The following CENPH variants were observed in gnomAD, a reference collection of about 807,000 sequenced individuals.
CENPH encodes centromere protein H.
CENPH carries 40 observed loss-of-function variants against 42.9 expected under a neutral mutation model. That is an observed-to-expected ratio of 0.93 (90% CI 0.72 to 1.21). CENPH has a LOEUF of 1.21. Among genes scored for constraint, CENPH ranks in the 50% most tolerant of loss-of-function variants. The pLI, the probability that CENPH is intolerant of heterozygous loss-of-function variation, is 0.00. For synonymous variants in CENPH, 88 were observed against 96.5 expected (o/e 0.91, Z 0.52); for missense variants, 302 against 292.9 (o/e 1.03, Z -0.23).
rs148073405 is a variant in CENPH at position 69,189,862 on chromosome 5, T to C, written c.134+94T>C. 58 of 1,337,826 alleles carry C rather than the reference T, an allele frequency of 4.3e-5. No homozygotes were observed. In the African/African-American group the frequency reaches 8.0e-4, roughly 18 times the overall value. The allele number at this position is 1,337,826 out of a possible 1,614,324, so 82.9% of individuals were successfully genotyped here. The stretch of plus-strand genomic sequence containing the variant: ...GAAGGGCTAGGGTTCGAATTCACGC[T>C]CGGTCACGTCAGGTCTCCGTGATTG... On this transcript the variant is annotated intron_variant, in intron 1 of 8. Coordinates refer to ENST00000283006, the MANE Select transcript of CENPH (RefSeq NM_022909.4).
At chr5:69,196,381 G>A (rs766394680) in intron 4 of CENPH, among the ~76,000 whole-genome samples, 13 of 152,088 alleles carry the variant, frequency 8.5e-5, no homozygotes, top group Non-Finnish European at 1.5e-4. Context: ...GCGGTGGCTC[G>A]CGCCTGTAAT....
chr5:69,193,649 T>TTTTTG (rs1366420898), intron 2 of CENPH, among the ~76,000 whole-genome samples: 1 of 151,078 alleles, frequency 6.6e-6, no homozygotes, highest in African/African-American at 2.4e-5. Context: ...ACATTTTCTT[T>TTTTTG]TTTTGTTTTT....
chr5:69,196,279 A>G (rs1336584072), intron 4 of CENPH, among the ~76,000 whole-genome samples: 2 of 152,164 alleles, frequency 1.3e-5, no homozygotes, highest in African/African-American at 4.8e-5. Flanking sequence ...GATGCTCCTC[A>G]ATTTGCAGTG....
At chr5:69,193,719 C>T (rs896302150) in intron 2 of CENPH, among the ~76,000 whole-genome samples, 3 of 147,220 alleles carry the variant, frequency 2.0e-5, no homozygotes, top group Middle Eastern at 3.5e-3. Context: ...TAGAGTGCAG[C>T]GGCGCAATCT....
chr5:69,195,701 C>T lies in CENPH; in HGVS notation c.240-16C>T, dbSNP rs752127458. ...CTGATATTGCTGAAATTCTTTTGCT[C>T]ATGTTTCTTTGATAGTAAAATTGAA... On this transcript the variant is annotated splice_polypyrimidine_tract_variant and intron_variant, in intron 3 of 8. Coordinates refer to ENST00000283006, the MANE Select transcript of CENPH (RefSeq NM_022909.4). 7.0e-7 allele frequency: 1 copy of T among 1,432,294 alleles called. No homozygotes were observed. Among genetic ancestry groups the T allele is most frequent in the South Asian group, 1.2e-5 (1 of 83,116 alleles). 88.7% of individuals were successfully genotyped at this position (1,432,294 alleles called of 1,614,324 possible).
At chr5:69,191,328 C>A (rs1043001347) in intron 1 of CENPH, among the ~76,000 whole-genome samples, 1 of 152,034 alleles carries the variant, frequency 6.6e-6, no homozygotes, top group Non-Finnish European at 1.5e-5. Context: ...CTGGCTAACA[C>A]GGTGAAACCC....
At position 69,209,943 on chromosome 5, in the gene CENPH, T is replaced by G; in HGVS notation, c.*144T>G. On this transcript the variant is annotated 3_prime_UTR_variant, in exon 9 of 9. Coordinates refer to ENST00000283006, the MANE Select transcript of CENPH (RefSeq NM_022909.4). ...TTGTAGTACAGTTGTGGTTAGTTATTTGTAGTGGGATTGAAAGTAATTTTT... is the reference window on the plus strand; with the variant it reads ...TTGTAGTACAGTTGTGGTTAGTTATGTGTAGTGGGATTGAAAGTAATTTTT... 2 of 450,364 alleles carry G rather than the reference T, an allele frequency of 4.4e-6. No individual in the cohort carries two copies. The highest frequency in any genetic ancestry group is 3.9e-6 in the Non-Finnish European group (1 of 255,858). The allele number at this position is 450,364 out of a possible 1,614,324, so 27.9% of individuals were successfully genotyped here. A position where few individuals can be genotyped will look rare whatever the true frequency, so the allele number is the denominator to read the frequency against.
In CENPH at chr5:69,189,740, A is replaced by C. The variant is rs1228483388; in HGVS notation, c.106A>C (p.Ser36Arg). The C allele has an allele frequency of 6.5e-7, 1 of 1,546,996 alleles. No individual in the cohort carries two copies. Among genetic ancestry groups the C allele is most frequent in the African/African-American group, 1.4e-5 (1 of 73,374 alleles). The change falls in exon 1 of 9, where the codon AGC becomes CGC. Residue 36 changes from serine (S) to arginine (R), a missense_variant. Coordinates refer to ENST00000283006, the MANE Select transcript of CENPH (RefSeq NM_022909.4). ...GGTCGCCGGCGCCCAGGCGGCGTGC[A>C]GCGAGGACCGCATGACCCTGCTCCT... ...PQVAGAQAAC[S>R]EDRMTLLLRL...
At chr5:69,202,392 G>A (rs1002086007) in intron 5 of CENPH, 114 bp from the exon 6 acceptor site, 9 of 643,872 alleles carry the variant, frequency 1.4e-5, no homozygotes, top group Admixed American at 2.9e-5. Flanking sequence ...CCAAGTGTAC[G>A]GTGGATTTAA....
intron 7 of CENPH, among the ~76,000 whole-genome samples, chr5:69,204,041 T>TATATA (rs1748104361): frequency 1.3e-5 from 1 of 76,720 alleles, no homozygotes. Context: ...TAATTATATA[T>TATATA]ATTTATATAT....
chr5:69,198,795 C>A (rs1748009202), intron 5 of CENPH, among the ~76,000 whole-genome samples: 1 of 152,044 alleles, frequency 6.6e-6, no homozygotes, highest in African/African-American at 2.4e-5. Context: ...ATTAGCCAGG[C>A]ATGGTGGAGC....
At chr5:69,204,051 TTA>T (rs1168613545) in intron 7 of CENPH, among the ~76,000 whole-genome samples, 18 of 61,942 alleles carry the variant, frequency 2.9e-4, no homozygotes, top group Admixed American at 8.6e-4. Flanking sequence ...TATTTATATA[TTA>T]TATATATAAA....
chr5:69,202,294 T>G (rs1561323726), intron 5 of CENPH, among the ~76,000 whole-genome samples: 1 of 152,192 alleles, frequency 6.6e-6, no homozygotes, highest in South Asian at 2.1e-4. Flanking sequence ...GACCAAACAT[T>G]TTTCTAGGGA....
intron 5 of CENPH, among the ~76,000 whole-genome samples, chr5:69,198,906 C>T (rs1332427547): frequency 1.3e-5 from 2 of 151,416 alleles, no homozygotes; most frequent in South Asian, 2.1e-4. Flanking sequence ...GATCTTGCCA[C>T]AGCACCTTAG....
chr5:69,202,960 G>A lies in CENPH; in HGVS notation c.477G>A (p.Lys159=), dbSNP rs1350351723. The change falls in exon 7 of 9, where the codon AAG becomes AAA. Residue 159 remains lysine, a synonymous_variant. Coordinates refer to ENST00000283006, the MANE Select transcript of CENPH (RefSeq NM_022909.4). ...AGGAAAAACTGCTTGATATTAGAAAGAAGAGATTGCGTATGTAGAACACTT... is the reference window on the plus strand; with the variant it reads ...AGGAAAAACTGCTTGATATTAGAAAAAAGAGATTGCGTATGTAGAACACTT... The part of the protein sequence containing the change: ...DLEEKLLDIR[K]KRLQLKQASE... The A allele has an allele frequency of 5.7e-6, 9 of 1,590,138 alleles. No individual in the cohort carries two copies. Among genetic ancestry groups the A allele is most frequent in the Non-Finnish European group, 7.7e-6 (9 of 1,165,298 alleles).
chr5:69,208,506 C>T, intron 8 of CENPH, 147 bp downstream of exon 8: 3 of 478,720 alleles, frequency 6.3e-6, no homozygotes, highest in Non-Finnish European at 1.1e-5. Context: ...TTACAGGCGT[C>T]CACCACCATG....
chr5:69,196,490 C>A (rs991083970), intron 4 of CENPH, among the ~76,000 whole-genome samples: 16 of 151,982 alleles, frequency 1.1e-4, no homozygotes, highest in African/African-American at 3.9e-4. Context: ...ACTAAAAATA[C>A]AAAAATTAGC....
intron 2 of CENPH, among the ~76,000 whole-genome samples, chr5:69,193,766 C>G (rs1419942293): frequency 6.6e-6 from 1 of 151,514 alleles, no homozygotes; most frequent in Non-Finnish European, 1.5e-5. Flanking sequence ...GATTCACTGC[C>G]TCAGCCTCTC....
rs569617727 is a variant in CENPH, at chr5:69,198,190, G to A, written c.371+1081G>A. ...CCGCCTCGGCCTCCCAAAGTCCTGG[G>A]ATTACAGGTGTGAGCCACCGCACCC... is the stretch of plus-strand genomic sequence containing the variant. On this transcript the variant is annotated intron_variant, in intron 5 of 8. Transcript: ENST00000283006. Among the ~76,000 whole-genome samples, 7 of 151,978 alleles carry A rather than the reference G, an allele frequency of 4.6e-5. No individual in the cohort carries two copies. In the East Asian group the frequency reaches 1.4e-3, roughly 29 times the overall value.
Sources: gnomAD v4.1 joint callset for allele counts (sites outside exome capture counted in the v4.1 genomes callset) on GRCh38, gnomAD v4.1.1 for gene constraint, MANE v1.5 for transcripts, NCBI Gene and HGNC (gene_info 2026-07-23, HGNC 2026-07-21) for gene names.